Variants in DPY19L1 observed in about 807,000 individuals in gnomAD.
The protein encoded by DPY19L1 is protein C-mannosyl-transferase DPY19L1.
Under a neutral mutation model 96.9 loss-of-function variants are expected in DPY19L1, and 35 were observed. That is an observed-to-expected ratio of 0.36 (90% CI 0.28 to 0.48). The LOEUF (loss-of-function observed/expected upper bound fraction) is 0.48, where lower values mean the gene tolerates loss of function less well. Ranked by LOEUF, DPY19L1 falls within the 20% of genes least tolerant of loss-of-function variation. The probability of loss-of-function intolerance (pLI) is 0.99; values close to 1 mark genes in which losing one functional copy is unlikely to be tolerated. For missense variants in DPY19L1, 521 were observed against 777.9 expected (o/e 0.67, Z 3.93); for synonymous variants, 205 against 252.6 (o/e 0.81, Z 1.79).
Position 34,955,296 on chromosome 7 carries a change from A to G in DPY19L1, c.1239+12T>C, listed in dbSNP as rs780621846. On this transcript the variant is annotated intron_variant, in intron 12 of 21. Coordinates refer to ENST00000638088, the MANE Select transcript of DPY19L1 (RefSeq NM_001366673.1). ...AGAAAAAACATAAGCATTAAAATAG[A>G]TTGATTCTCACCCATAAACTAAGTT... The G allele has an allele frequency of 4.4e-6, 7 of 1,577,880 alleles. No homozygotes were observed. The African/African-American group carries it at 8.2e-5, about 19-fold the overall frequency.
At chr7:34,962,902 G>C (rs1343886073) in intron 10 of DPY19L1, among the ~76,000 whole-genome samples, 1 of 151,952 alleles carries the variant, frequency 6.6e-6, no homozygotes, top group African/African-American at 2.4e-5. Context: ...GCTTAATTTT[G>C]CTATAAACCT....
chr7:35,024,340 T>A (rs567522381), intron 1 of DPY19L1, among the ~76,000 whole-genome samples: 2 of 152,312 alleles, frequency 1.3e-5, no homozygotes, highest in South Asian at 4.1e-4. Context: ...AGTTTTCAAA[T>A]CAAGCTTGAC....
intron 1 of DPY19L1, among the ~76,000 whole-genome samples, chr7:35,019,121 T>C (rs1785929449): frequency 6.6e-6 from 1 of 152,136 alleles, no homozygotes; most frequent in South Asian, 2.1e-4. Context: ...ATCAGTCTCA[T>C]ATGAAAATCA....
intron 18 of DPY19L1, 33 bp from the exon 19 acceptor site, chr7:34,940,360 T>C (rs1031617253): frequency 7.9e-5 from 125 of 1,583,280 alleles, no homozygotes; most frequent in Non-Finnish European, 1.0e-4. Context: ...TTGGTAATTG[T>C]TAGTATAAGT....
chr7:34,999,561 T>C, intron 6 of DPY19L1, among the ~76,000 whole-genome samples: 1 of 152,018 alleles, frequency 6.6e-6, no homozygotes, highest in Admixed American at 6.5e-5. Flanking sequence ...AGGATGGTGG[T>C]AAACAAAACT....
At chr7:35,028,826 C>G (rs1786192004) in intron 1 of DPY19L1, among the ~76,000 whole-genome samples, 1 of 152,178 alleles carries the variant, frequency 6.6e-6, no homozygotes. Flanking sequence ...ATTCCTGGAA[C>G]TGAGGGTTCC....
chr7:34,940,081 T>C, intron 19 of DPY19L1, 72 bp downstream of exon 19: 2 of 1,335,004 alleles, frequency 1.5e-6, no homozygotes, highest in Non-Finnish European at 2.0e-6. Flanking sequence ...TTTAAGAGTT[T>C]GCAGTGGTAT....
intron 19 of DPY19L1, 97 bp from the exon 20 acceptor site, chr7:34,939,472 G>C (rs1783949043): frequency 6.0e-6 from 6 of 996,990 alleles, no homozygotes; most frequent in Admixed American, 2.3e-5. Context: ...TAACAGAGCG[G>C]AAGCCCAGCA....
At chr7:35,023,595 A>G (rs1365788835) in intron 1 of DPY19L1, among the ~76,000 whole-genome samples, 3 of 152,180 alleles carry the variant, frequency 2.0e-5, no homozygotes, top group Non-Finnish European at 2.9e-5. Flanking sequence ...GATTTTCACA[A>G]TAATCTTGTG....
intron 6 of DPY19L1, 73 bp from the exon 7 acceptor site, chr7:34,990,014 A>G (rs1183530556): frequency 8.3e-7 from 1 of 1,206,328 alleles, no homozygotes; most frequent in Non-Finnish European, 1.2e-6. Context: ...AAAACACATA[A>G]TATCATAACC....
chr7:35,024,955 A>G (rs931069952), intron 1 of DPY19L1, among the ~76,000 whole-genome samples: 1 of 152,348 alleles, frequency 6.6e-6, no homozygotes, highest in South Asian at 2.1e-4. Context: ...ACCATATAAG[A>G]TAAATTATAG....
At chr7:34,948,426 T>A (rs1311506747) in intron 14 of DPY19L1, among the ~76,000 whole-genome samples, 1 of 152,180 alleles carries the variant, frequency 6.6e-6, no homozygotes, top group Non-Finnish European at 1.5e-5. Flanking sequence ...CTCCACTGTA[T>A]AGGTGTACCA....
At chr7:34,980,211 T>A (rs766379183) in intron 7 of DPY19L1, among the ~76,000 whole-genome samples, 2 of 151,910 alleles carry the variant, frequency 1.3e-5, no homozygotes, top group Non-Finnish European at 2.9e-5. Context: ...TGGGGTGGGG[T>A]AGGGGAGGAA....
At chr7:34,931,978 C>T (rs1360429058) in intron 21 of DPY19L1, among the ~76,000 whole-genome samples, 1 of 152,132 alleles carries the variant, frequency 6.6e-6, no homozygotes, top group Non-Finnish European at 1.5e-5. Flanking sequence ...CCAGGTGTTG[C>T]GGAAAGAGAC....
chr7:35,030,587 C>T (rs868779664), intron 1 of DPY19L1, among the ~76,000 whole-genome samples: 9 of 152,000 alleles, frequency 5.9e-5, no homozygotes, highest in African/African-American at 1.7e-4. Context: ...TGATAGTGAT[C>T]GTGCTGAAAA....
chr7:34,973,967 A>G (rs777132290), intron 7 of DPY19L1, among the ~76,000 whole-genome samples: 3 of 152,218 alleles, frequency 2.0e-5, no homozygotes, highest in Non-Finnish European at 4.4e-5. Context: ...CTTCTTTCCC[A>G]TGAATTTCAG....
chr7:35,004,795 T>A (rs1365351301), intron 6 of DPY19L1, among the ~76,000 whole-genome samples: 2 of 152,134 alleles, frequency 1.3e-5, no homozygotes, highest in African/African-American at 4.8e-5. Flanking sequence ...AAAAGTAAAG[T>A]TCCAGTAAAA....
chr7:34,949,664 C>T lies in DPY19L1; in HGVS notation c.1422+133G>A, dbSNP rs1784228936. ...CTAAAGTAAACAGAAAAATCTTCCT[C>T]TAAGCTGCCAGATTTTCCTTTTCCT... On this transcript the variant is annotated intron_variant, in intron 14 of 21. Coordinates refer to ENST00000638088, the MANE Select transcript of DPY19L1 (RefSeq NM_001366673.1). 1.8e-5 allele frequency: 11 copies of T among 605,112 alleles called. No individual in the cohort carries two copies. In the South Asian group the frequency reaches 2.2e-4, roughly 12 times the overall value. 37.5% of individuals were successfully genotyped at this position (605,112 alleles called of 1,614,324 possible). A position where few individuals can be genotyped will look rare whatever the true frequency, so the allele number is the denominator to read the frequency against.
intron 6 of DPY19L1, among the ~76,000 whole-genome samples, chr7:34,998,984 G>A (rs554373035): frequency 2.9e-4 from 44 of 152,220 alleles, no homozygotes; most frequent in African/African-American, 8.7e-4. Flanking sequence ...GAGAAAATTC[G>A]ACTTCAAGAA....
Sources: gnomAD v4.1 joint callset for allele counts (sites outside exome capture counted in the v4.1 genomes callset) on GRCh38, gnomAD v4.1.1 for gene constraint, MANE v1.5 for transcripts, NCBI Gene and HGNC (gene_info 2026-07-23, HGNC 2026-07-21) for gene names.